CDKL4: variants seen among roughly 807,000 people sequenced by gnomAD.
CDKL4 encodes the protein cyclin dependent kinase like 4, also known as cyclin-dependent kinase-like 4.
CDKL4 carries 44 observed loss-of-function variants against 42.0 expected under a neutral mutation model. The ratio of observed to expected loss-of-function variants is 1.05; its 90% CI spans 0.82 to 1.35. CDKL4 has a LOEUF of 1.35. Ranked by LOEUF, CDKL4 falls within the 40% of genes most tolerant of loss-of-function variation. The pLI, the probability that CDKL4 is intolerant of heterozygous loss-of-function variation, is 0.00. For synonymous variants in CDKL4, 120 were observed against 121.6 expected (o/e 0.99, Z 0.09); for missense variants, 393 against 369.9 (o/e 1.06, Z -0.51).
intron 3 of CDKL4, among the ~76,000 whole-genome samples, chr2:39,224,933 T>A (rs1403273802): frequency 1.3e-5 from 2 of 152,178 alleles, no homozygotes; most frequent in African/African-American, 4.8e-5. Flanking sequence ...ATTTTGTAGA[T>A]CAGTAATATC....
At chr2:39,219,497 T>C (rs1347896399) in intron 3 of CDKL4, among the ~76,000 whole-genome samples, 3 of 152,150 alleles carry the variant, frequency 2.0e-5, no homozygotes, top group South Asian at 4.1e-4. Context: ...CTTGGCTCAC[T>C]GCAACCTCTG....
chr2:39,174,321 G>A (rs1469895771), downstream of CDKL4, among the ~76,000 whole-genome samples: 1 of 151,600 alleles, frequency 6.6e-6, no homozygotes, highest in Non-Finnish European at 1.5e-5. Flanking sequence ...GATCACTTTA[G>A]CTGGGGAGGT....
At chr2:39,187,080 T>A (rs1675870077) in intron 7 of CDKL4, among the ~76,000 whole-genome samples, 1 of 152,106 alleles carries the variant, frequency 6.6e-6, no homozygotes. Flanking sequence ...TGACGGGGGT[T>A]CCTCCATGCT....
chr2:39,239,565 T>C (rs1679546417), intron 1 of CDKL4, among the ~76,000 whole-genome samples: 3 of 152,250 alleles, frequency 2.0e-5, no homozygotes, highest in Non-Finnish European at 4.4e-5. Context: ...ATAGACATTT[T>C]ACCAAAGATA....
chr2:39,215,584 T>C (rs988841710), intron 3 of CDKL4, among the ~76,000 whole-genome samples: 1 of 152,234 alleles, frequency 6.6e-6, no homozygotes, highest in African/African-American at 2.4e-5. Flanking sequence ...AGATTTAATA[T>C]TTTATCATAT....
At chr2:39,172,591 CTT>C (rs941651442), downstream of CDKL4, among the ~76,000 whole-genome samples, 1 of 151,846 alleles carries the variant, frequency 6.6e-6, no homozygotes, top group Non-Finnish European at 1.5e-5. Context: ...TCTTTTCTTT[CTT>C]TTTTTTGAGA....
intron 8 of CDKL4, among the ~76,000 whole-genome samples, chr2:39,183,003 T>G (rs1487423827): frequency 1.3e-5 from 2 of 152,154 alleles, no homozygotes; most frequent in Non-Finnish European, 2.9e-5. Context: ...TGTCTTGGGC[T>G]GGGCACAGTG....
chr2:39,205,759 CAAAAAAAAAA>C (rs1167041058), intron 4 of CDKL4, among the ~76,000 whole-genome samples: 4 of 78,684 alleles, frequency 5.1e-5, no homozygotes, highest in South Asian at 6.6e-4. Context: ...GACTCCGTCT[CAAAAAAAAAA>C]AAAAAAAAAA....
chr2:39,235,982 A>G (rs72921057), intron 1 of CDKL4, among the ~76,000 whole-genome samples: 5,685 of 152,210 alleles, frequency 0.037, 362 homozygotes, highest in African/African-American at 0.13. Flanking sequence ...GTAGACTCAG[A>G]TGTTGGATTT....
chr2:39,178,898 T>G (rs1479176667), intron 9 of CDKL4: 12 of 1,460,490 alleles, frequency 8.2e-6, no homozygotes, highest in Non-Finnish European at 1.1e-5. Flanking sequence ...AGTTGTTATA[T>G]TATGGGTATA....
chr2:39,174,409 A>AC (rs1324442682), downstream of CDKL4, among the ~76,000 whole-genome samples: 2 of 151,588 alleles, frequency 1.3e-5, no homozygotes, highest in Non-Finnish European at 2.9e-5. Context: ...CAAAAAAAAA[A>AC]AAACCCTTCC....
Position 39,185,350 on chromosome 2 carries a change from A to G in CDKL4, c.736-703T>C, listed in dbSNP as rs1280048551. On this transcript the variant is annotated intron_variant, in intron 7 of 9. Coordinates refer to ENST00000451199, the Ensembl canonical transcript of CDKL4. ...TACACATATGTATATATATACACATATGTATATATACATATATATATACAT... is the reference window on the plus strand; with the variant it reads ...TACACATATGTATATATATACACATGTGTATATATACATATATATATACAT... Among the ~76,000 whole-genome samples the G allele has an allele frequency of 9.8e-5, 11 of 112,748 alleles. 1 individual carries two copies. Among genetic ancestry groups the G allele is most frequent in the South Asian group, 7.8e-4 (3 of 3,822 alleles). The allele number at this position is 112,748 out of a possible 152,430, so 74.0% of individuals were successfully genotyped here. A position where few individuals can be genotyped will look rare whatever the true frequency, so the allele number is the denominator to read the frequency against.
At chr2:39,239,817 TG>T (rs1573037679) in intron 1 of CDKL4, among the ~76,000 whole-genome samples, 1 of 152,172 alleles carries the variant, frequency 6.6e-6, no homozygotes, top group African/African-American at 2.4e-5. Context: ...GGGCCAGGCA[TG>T]GTGGCTCACG....
chr2:39,209,347 T>C (rs1677437035), intron 4 of CDKL4, among the ~76,000 whole-genome samples: 1 of 151,744 alleles, frequency 6.6e-6, no homozygotes, highest in Admixed American at 6.6e-5. Flanking sequence ...TTTTTGCCAT[T>C]TTGAGATGAA....
At chr2:39,188,716 GTC>G (rs1480292261) in intron 6 of CDKL4, among the ~76,000 whole-genome samples, 1 of 151,684 alleles carries the variant, frequency 6.6e-6, no homozygotes, top group African/African-American at 2.4e-5. Context: ...TTCAGACAGG[GTC>G]TCTCTCTGTT....
exon 2 of CDKL4, chr2:39,229,388 G>C (rs1678957997): frequency 6.2e-7 from 1 of 1,603,240 alleles, no homozygotes; most frequent in Non-Finnish European, 8.5e-7. Flanking sequence ...ATTTCTCTTA[G>C]TGCTATTTTC....
chr2:39,206,262 T>C (rs1001909065), intron 4 of CDKL4, among the ~76,000 whole-genome samples: 1 of 152,106 alleles, frequency 6.6e-6, no homozygotes, highest in Non-Finnish European at 1.5e-5. Context: ...GTATTTTTAG[T>C]AGAGGCTGGT....
At chr2:39,189,955 C>G (rs1676076744) in intron 6 of CDKL4, among the ~76,000 whole-genome samples, 1 of 152,164 alleles carries the variant, frequency 6.6e-6, no homozygotes, top group Non-Finnish European at 1.5e-5. Context: ...TTACAGTGGA[C>G]AGAAATTGCA....
At chr2:39,245,802 T>C (rs190089307), upstream of CDKL4, among the ~76,000 whole-genome samples, 1 of 152,340 alleles carries the variant, frequency 6.6e-6, no homozygotes, top group Non-Finnish European at 1.5e-5. Flanking sequence ...ATTATCCAAA[T>C]ACCTTTTCAG....
Sources: gnomAD v4.1 joint callset for allele counts (sites outside exome capture counted in the v4.1 genomes callset) on GRCh38, gnomAD v4.1.1 for gene constraint, MANE v1.5 for transcripts, NCBI Gene and HGNC (gene_info 2026-07-23, HGNC 2026-07-21) for gene names.